The following MDGA2 variants were observed in gnomAD, a reference collection of about 807,000 sequenced individuals.
MDGA2 encodes the protein MAM domain-containing glycosylphosphatidylinositol anchor protein 2.
Under a neutral mutation model 117.8 loss-of-function variants are expected in MDGA2, and 40 were observed. The ratio of observed to expected loss-of-function variants is 0.34; its 90% CI spans 0.26 to 0.44. MDGA2 has a LOEUF of 0.44. Among genes scored for constraint, MDGA2 ranks in the 20% least tolerant of loss-of-function variants. The pLI is 1.00. For synonymous variants in MDGA2, 452 were observed against 439.0 expected, an observed-to-expected ratio of 1.03 and a Z score of -0.37; for missense variants, 1,123 against 1,250.6, an observed-to-expected ratio of 0.90 and a Z score of 1.54.
chr14:46,975,050 T>C (rs1886405274), intron 8 of MDGA2, among the ~76,000 whole-genome samples: 1 of 152,086 alleles, frequency 6.6e-6, no homozygotes. Flanking sequence ...CTTGAACAGA[T>C]ATTTCTCCAG....
At chr14:47,410,895 A>G (rs2138485267) in intron 1 of MDGA2, among the ~76,000 whole-genome samples, 1 of 152,312 alleles carries the variant, frequency 6.6e-6, no homozygotes, top group South Asian at 2.1e-4. Flanking sequence ...TTGAAAATAA[A>G]AGATGTCTAA....
At chr14:47,568,199 C>G (rs1421400991) in intron 1 of MDGA2, among the ~76,000 whole-genome samples, 3 of 152,128 alleles carry the variant, frequency 2.0e-5, no homozygotes, top group African/African-American at 4.8e-5. Context: ...AGTCATCAAC[C>G]AACTGCTGTT....
At chr14:47,560,610 A>T (rs1206587309) in intron 1 of MDGA2, among the ~76,000 whole-genome samples, 1 of 152,028 alleles carries the variant, frequency 6.6e-6, no homozygotes, top group African/African-American at 2.4e-5. Context: ...TGGATATTAG[A>T]CCTTTGTCAG....
intron 8 of MDGA2, among the ~76,000 whole-genome samples, chr14:46,958,751 T>A (rs891505022): frequency 4.6e-5 from 7 of 152,232 alleles, no homozygotes; most frequent in African/African-American, 1.7e-4. Context: ...AACATATGGG[T>A]AATGTTTTAT....
At chr14:47,583,934 G>T (rs1399636087) in intron 1 of MDGA2, among the ~76,000 whole-genome samples, 1 of 151,658 alleles carries the variant, frequency 6.6e-6, no homozygotes, top group Non-Finnish European at 1.5e-5. Context: ...TCCCTACTGT[G>T]CTAATGCGTA....
intron 8 of MDGA2, among the ~76,000 whole-genome samples, chr14:47,031,227 T>TAC (rs974181323): frequency 5.0e-5 from 7 of 138,642 alleles, no homozygotes; most frequent in South Asian, 2.4e-4. Flanking sequence ...TATATATATA[T>TAC]ATACACACAC....
At chr14:47,563,282 G>T (rs1895849983) in intron 1 of MDGA2, among the ~76,000 whole-genome samples, 1 of 152,238 alleles carries the variant, frequency 6.6e-6, no homozygotes, top group Admixed American at 6.5e-5. Flanking sequence ...TTCAGGCCCT[G>T]AATATTTTTG....
intron 1 of MDGA2, among the ~76,000 whole-genome samples, chr14:47,574,685 A>G (rs1324778659): frequency 2.0e-5 from 3 of 152,176 alleles, no homozygotes; most frequent in African/African-American, 7.2e-5. Context: ...AGTGCTTATT[A>G]TGAATGAGAA....
chr14:47,210,525 C>T (rs1157004324), intron 3 of MDGA2, among the ~76,000 whole-genome samples: 6 of 152,154 alleles, frequency 3.9e-5, no homozygotes, highest in Admixed American at 3.9e-4. Flanking sequence ...CCTCAAGAAT[C>T]TTAAGGTAAC....
chr14:46,917,238 C>G (rs2933192), intron 10 of MDGA2, among the ~76,000 whole-genome samples: 2 of 151,920 alleles, frequency 1.3e-5, no homozygotes, highest in Admixed American at 1.3e-4. Flanking sequence ...AATGCTTAGG[C>G]TTAGAATAAA....
intron 1 of MDGA2, among the ~76,000 whole-genome samples, chr14:47,630,367 T>C (rs1897233604): frequency 6.6e-6 from 1 of 152,250 alleles, no homozygotes. Flanking sequence ...GTATGTAGTA[T>C]GTGTCTATGT....
intron 1 of MDGA2, among the ~76,000 whole-genome samples, chr14:47,654,985 G>T (rs1375507776): frequency 6.6e-6 from 1 of 152,050 alleles, no homozygotes; most frequent in Non-Finnish European, 1.5e-5. Context: ...TGATGATAAT[G>T]TTGCTAGGAT....
intron 1 of MDGA2, among the ~76,000 whole-genome samples, chr14:47,632,663 A>C (rs1196762135): frequency 1.3e-5 from 2 of 152,200 alleles, no homozygotes; most frequent in East Asian, 3.9e-4. Flanking sequence ...TTCACATTAA[A>C]AGAAACATAA....
At chr14:47,213,637 C>T (rs1885967629) in intron 3 of MDGA2, among the ~76,000 whole-genome samples, 1 of 119,600 alleles carries the variant, frequency 8.4e-6, no homozygotes, top group African/African-American at 3.2e-5. Context: ...TACTGTTTTC[C>T]AGCCCTTCTG....
rs75462911 is a variant in MDGA2 at position 47,559,576 on chromosome 14, CT to C, written c.280+114940del. Reference sequence around the variant, plus strand: ...ATGAGTACAAGTTTTTTTTTCTTTTCTTTTTTTTTTTTTTTAGACAAAGTCT... The same window carrying C: ...ATGAGTACAAGTTTTTTTTTCTTTTCTTTTTTTTTTTTTTAGACAAAGTCT... On this transcript the variant is annotated intron_variant, in intron 1 of 16. Transcript: ENST00000399232. 1.7e-3 allele frequency among the ~76,000 whole-genome samples: 230 copies of C among 138,614 alleles called. No homozygotes were observed. In the Middle Eastern group the frequency reaches 0.019, roughly 12 times the overall value. The allele number at this position is 138,614 out of a possible 152,430, so 90.9% of individuals were successfully genotyped here. A position where few individuals can be genotyped will look rare whatever the true frequency, so the allele number is the denominator to read the frequency against.
chr14:47,012,946 CA>C (rs1202123049), intron 8 of MDGA2, among the ~76,000 whole-genome samples: 3 of 151,994 alleles, frequency 2.0e-5, no homozygotes, highest in Non-Finnish European at 4.4e-5. Context: ...TACCCTAAGG[CA>C]AAAAAATGCT....
At chr14:47,364,263 T>G (rs1209239907) in intron 1 of MDGA2, among the ~76,000 whole-genome samples, 1 of 152,138 alleles carries the variant, frequency 6.6e-6, no homozygotes, top group Non-Finnish European at 1.5e-5. Context: ...AGAATTATAT[T>G]ATATTTATTT....
At chr14:46,990,899 C>CAT (rs1555341237) in intron 8 of MDGA2, among the ~76,000 whole-genome samples, 60,588 of 146,470 alleles carry the variant, frequency 0.41, 12,954 homozygotes, top group East Asian at 0.6. Context: ...CACACACACA[C>CAT]ACCCCGCGTA....
intron 1 of MDGA2, among the ~76,000 whole-genome samples, chr14:47,573,650 C>G (rs530008934): frequency 2.0e-5 from 3 of 152,212 alleles, no homozygotes; most frequent in African/African-American, 7.2e-5. Context: ...GATAAAGCAC[C>G]AAGTGGTATT....
Sources: gnomAD v4.1 joint callset for allele counts (sites outside exome capture counted in the v4.1 genomes callset) on GRCh38, gnomAD v4.1.1 for gene constraint, MANE v1.5 for transcripts, NCBI Gene and HGNC (gene_info 2026-07-23, HGNC 2026-07-21) for gene names.